Variants in ALDH1L2 observed in about 807,000 individuals in gnomAD.
ALDH1L2 encodes aldehyde dehydrogenase 1 family member L2, also known as mitochondrial 10-formyltetrahydrofolate dehydrogenase.
In ALDH1L2, 91 loss-of-function variants were observed where a neutral mutation model predicts 111.0. The ratio of observed to expected loss-of-function variants is 0.82; its 90% CI spans 0.69 to 0.98. The LOEUF (loss-of-function observed/expected upper bound fraction) is 0.98. Ranked by LOEUF, ALDH1L2 falls within the 50% of genes least tolerant of loss-of-function variation. The probability of loss-of-function intolerance (pLI) is 0.00; values close to 1 mark genes in which losing one functional copy is unlikely to be tolerated. For synonymous variants in ALDH1L2, 374 were observed against 392.6 expected, an observed-to-expected ratio of 0.95 and a Z score of 0.56; for missense variants, 995 against 1,126.8, an observed-to-expected ratio of 0.88 and a Z score of 1.67.
Position 105,066,541 on chromosome 12 carries a change from C to T in ALDH1L2, c.696+27G>A, listed in dbSNP as rs776595545. 1.6e-5 allele frequency: 26 copies of T among 1,590,768 alleles called. No homozygotes were observed. The Admixed American group carries it at 1.8e-4, about 11-fold the overall frequency. On this transcript the variant is annotated intron_variant, in intron 5 of 22. Transcript: ENST00000258494. ...GGGTAGAGGGCCATGAACTCTGAGA[C>T]GTGTTATTGAGTTGATATATAAATA...
In ALDH1L2 at chr12:105,065,286, C is replaced by A; in HGVS notation, c.767G>T (p.Trp256Leu). ...ACATACCTGTCCATTTATCTCTGTCCAAGCTCCAGGGACTTTATCATGACC... is the reference window on the plus strand; with the variant it reads ...ACATACCTGTCCATTTATCTCTGTCAAAGCTCCAGGGACTTTATCATGACC... ...IRGHDKVPGA[W>L]TEINGQMVTF... Residue 256 changes from tryptophan to leucine, a missense_variant, in exon 6 of 23, where the codon TGG becomes TTG. Physicochemically the swap from Trp to Leu is moderately conservative, Grantham distance 61. Transcript: ENST00000258494. 6.2e-7 allele frequency: 1 copy of A among 1,608,316 alleles called. No homozygotes were observed. The highest frequency in any genetic ancestry group is 8.5e-7 in the Non-Finnish European group (1 of 1,175,954).
Position 105,046,219 on chromosome 12 carries a change from A to T in ALDH1L2, c.1863+491T>A, listed in dbSNP as rs1204609589. On this transcript the variant is annotated intron_variant, in intron 15 of 22. Transcript: ENST00000258494. Reference sequence around the variant, plus strand: ...TATATATATATATATATATATATATATATTTTTTTTTTTTTTTTTTTTTTT... The same window carrying T: ...TATATATATATATATATATATATATTTATTTTTTTTTTTTTTTTTTTTTTT... Among the ~76,000 whole-genome samples, 30 of 27,384 alleles carry T rather than the reference A, an allele frequency of 1.1e-3. 1 individual carries two copies. Among genetic ancestry groups the T allele is most frequent in the Middle Eastern group, 0.026 (1 of 38 alleles). 18.0% of individuals were successfully genotyped at this position (27,384 alleles called of 152,430 possible). A position where few individuals can be genotyped will look rare whatever the true frequency, so the allele number is the denominator to read the frequency against.
intron 12 of ALDH1L2, among the ~76,000 whole-genome samples, 154 bp downstream of exon 12, chr12:105,051,936 C>A (rs1876296825): frequency 6.6e-6 from 1 of 151,994 alleles, no homozygotes; most frequent in African/African-American, 2.4e-5. Flanking sequence ...AGGCACGTGC[C>A]ACCACTCACG....
chr12:105,047,122 A>C (rs1198951038), intron 13 of ALDH1L2, among the ~76,000 whole-genome samples, 153 bp from the exon 14 acceptor site: 1 of 152,214 alleles, frequency 6.6e-6, no homozygotes, highest in Non-Finnish European at 1.5e-5. Context: ...CCAAAGAAGG[A>C]ACAGCTATTT....
chr12:105,034,385 A>G lies in ALDH1L2; in HGVS notation c.2159T>C (p.Val720Ala). ...ACAGTTCTCTCCTTTGTTGAAAAAT[A>G]CTGCTCCCATGCCCTTCAGTGGGAG... Reference protein sequence around the residue: ...DKAVRMGMGAVFFNKGENCIA... With the variant: ...DKAVRMGMGAAFFNKGENCIA... Residue 720 changes from valine (V) to alanine (A), a missense_variant, in exon 19 of 23, where the codon GTA becomes GCA. By Grantham distance (64) the Val-to-Ala change is moderately conservative (BLOSUM62 0). Coordinates refer to ENST00000258494, the MANE Select transcript of ALDH1L2 (RefSeq NM_001034173.4). 6.2e-7 allele frequency: 1 copy of G among 1,611,290 alleles called. No homozygotes were observed. Among genetic ancestry groups the G allele is most frequent in the Non-Finnish European group, 8.5e-7 (1 of 1,179,338 alleles).
rs1233524973 is a variant in ALDH1L2 at position 105,031,850 on chromosome 12, C to G, written c.2329G>C (p.Glu777Gln). Residue 777 changes from glutamate to glutamine, a missense_variant, in exon 20 of 23, where the codon GAA becomes CAA. Glu to Gln is a conservative substitution (Grantham distance 29). Transcript: ENST00000258494. Reference sequence around the variant, plus strand: ...GTTTCACAGTATTGCAGCAGCTTTTCCAGATGAGCCTTATGATTTTGGGGC... The same window carrying G: ...GTTTCACAGTATTGCAGCAGCTTTTGCAGATGAGCCTTATGATTTTGGGGC... ...HGPQNHKAHLEKLLQYCETGV... is the reference protein window; with the variant it reads ...HGPQNHKAHLQKLLQYCETGV... 1 of 1,614,044 alleles carries G rather than the reference C, an allele frequency of 6.2e-7. No homozygotes were observed. The highest frequency in any genetic ancestry group is 8.5e-7 in the Non-Finnish European group (1 of 1,180,044).
At chr12:105,061,096 G>C (rs752105972) in intron 8 of ALDH1L2, 24 bp from the exon 9 acceptor site, 3 of 1,592,408 alleles carry the variant, frequency 1.9e-6, no homozygotes, top group African/African-American at 1.3e-5. Context: ...AAACTCTTAT[G>C]AGGGAAGTGC....
rs1483229546 is a variant in ALDH1L2 at position 105,019,844 on chromosome 12, AAGC to A, written c.*4577_*4579del. On this transcript the variant is annotated 3_prime_UTR_variant, in exon 23 of 23. Transcript: ENST00000258494. ...GCTTATGATATATTGTTAATTGAAA[AAGC>A]AGGTAACAAATTAATATACAGTATT... 4.6e-5 allele frequency: 7 copies of A among 152,230 alleles called. No homozygotes were observed. The highest frequency in any genetic ancestry group is 1.9e-4 in the East Asian group (1 of 5,202). 9.4% of individuals were successfully genotyped at this position (152,230 alleles called of 1,614,324 possible).
intron 1 of ALDH1L2, among the ~76,000 whole-genome samples, chr12:105,083,883 C>G (rs1592817995): frequency 6.6e-6 from 1 of 152,310 alleles, no homozygotes; most frequent in East Asian, 1.9e-4. Context: ...TTGCAGCCAT[C>G]AGCTTTGAGT....
At chr12:105,061,376 TG>T (rs975382983) in intron 8 of ALDH1L2, among the ~76,000 whole-genome samples, 2 of 152,134 alleles carry the variant, frequency 1.3e-5, no homozygotes, top group African/African-American at 4.8e-5. Context: ...TAACAGAAAC[TG>T]GGTTCCTGAA....
At chr12:105,065,413 T>A (rs1877290902) in intron 5 of ALDH1L2, 57 bp from the exon 6 acceptor site, 1 of 1,414,812 alleles carries the variant, frequency 7.1e-7, no homozygotes, top group Non-Finnish European at 9.9e-7. Context: ...TCAAAGGCAA[T>A]AAAAACGCTT....
rs1874118354 is a variant in ALDH1L2, at chr12:105,020,729, G to A, written c.*3695C>T. 6.6e-6 allele frequency: 1 copy of A among 152,244 alleles called. No individual in the cohort carries two copies. The highest frequency in any genetic ancestry group is 2.4e-5 in the African/African-American group (1 of 41,446). 9.4% of individuals were successfully genotyped at this position (152,244 alleles called of 1,614,324 possible). A position where few individuals can be genotyped will look rare whatever the true frequency, so the allele number is the denominator to read the frequency against. The stretch of plus-strand genomic sequence containing the variant: ...GTGTCTCTCATCAGATGATATTTGA[G>A]GAGAGACCTGCAGGAAGTGAGCCAG... On this transcript the variant is annotated 3_prime_UTR_variant, in exon 23 of 23. Transcript: ENST00000258494.
intron 9 of ALDH1L2, among the ~76,000 whole-genome samples, chr12:105,059,012 T>C (rs911689919): frequency 2.0e-5 from 3 of 151,864 alleles, no homozygotes; most frequent in African/African-American, 4.8e-5. Flanking sequence ...CTCACACCTG[T>C]AATCCCAACA....
In ALDH1L2 at chr12:105,068,812, G is replaced by A; in HGVS notation, c.501C>T (p.Pro167=). The stretch of plus-strand genomic sequence containing the variant: ...CATCACATGATCTCTGAAGAAGGAT[G>A]GGTCCTGTATCCAAGCCATCATCAG... ...FWADDGLDTG[P]ILLQRSCDVE... The change falls in exon 4 of 23, where the codon CCC becomes CCT. Residue 167 remains proline (P), a synonymous_variant. Transcript: ENST00000258494. 3.1e-6 allele frequency: 5 copies of A among 1,609,606 alleles called. No individual in the cohort carries two copies. The highest frequency in any genetic ancestry group is 4.2e-6 in the Non-Finnish European group (5 of 1,178,030).
intron 21 of ALDH1L2, among the ~76,000 whole-genome samples, chr12:105,028,243 T>C (rs1398415503): frequency 6.6e-6 from 1 of 152,202 alleles, no homozygotes; most frequent in Non-Finnish European, 1.5e-5. Flanking sequence ...CCTGAGTAGC[T>C]GAGATTACAG....
Position 105,024,196 on chromosome 12 carries a change from A to G in ALDH1L2, c.*228T>C. The G allele has an allele frequency of 1.7e-6, 1 of 591,550 alleles. No homozygotes were observed. The highest frequency in any genetic ancestry group is 2.1e-5 in the South Asian group (1 of 47,738). The allele number at this position is 591,550 out of a possible 1,614,324, so 36.6% of individuals were successfully genotyped here. On this transcript the variant is annotated 3_prime_UTR_variant, in exon 23 of 23. Transcript: ENST00000258494. Reference sequence around the variant, plus strand: ...GCTTGGTATTTTAGAAATACGTATGATATACAACATAGTCAAAATGCAACA... The same window carrying G: ...GCTTGGTATTTTAGAAATACGTATGGTATACAACATAGTCAAAATGCAACA...
intron 20 of ALDH1L2, among the ~76,000 whole-genome samples, chr12:105,030,773 A>G (rs1874654019): frequency 1.3e-5 from 2 of 152,230 alleles, no homozygotes; most frequent in Admixed American, 6.5e-5. Context: ...CATCTGTAAA[A>G]AATAAGGATA....
chr12:105,046,182 T>C (rs1293488119), intron 15 of ALDH1L2, among the ~76,000 whole-genome samples: 1 of 26,840 alleles, frequency 3.7e-5, no homozygotes, highest in Non-Finnish European at 7.0e-5. Context: ...TCTCTCTCTC[T>C]CTCTCTCTCT....
chr12:105,039,916 G>A (rs1875420527), intron 16 of ALDH1L2, 110 bp from the exon 17 acceptor site: 3 of 887,338 alleles, frequency 3.4e-6, no homozygotes, highest in Admixed American at 1.9e-5. Context: ...AGATCACAAG[G>A]TCAGGAGATC....
Sources: allele counts gnomAD v4.1 joint callset (sites outside exome capture counted in the v4.1 genomes callset), GRCh38; gene constraint gnomAD v4.1.1; transcripts MANE v1.5; gene names NCBI Gene and HGNC (gene_info 2026-07-23, HGNC 2026-07-21).